The following ARFGAP3 variants were observed in gnomAD, a reference collection of about 807,000 sequenced individuals.
The protein encoded by ARFGAP3 is ADP-ribosylation factor GTPase-activating protein 3.
Under a neutral mutation model 75.0 loss-of-function variants are expected in ARFGAP3, and 72 were observed. That is an observed-to-expected ratio of 0.96 (90% CI 0.79 to 1.17). The LOEUF (loss-of-function observed/expected upper bound fraction) is 1.17, where lower values mean the gene tolerates loss of function less well. Among genes scored for constraint, ARFGAP3 ranks in the 50% most tolerant of loss-of-function variants. The pLI, the probability that ARFGAP3 is intolerant of heterozygous loss-of-function variation, is 0.00. For missense variants in ARFGAP3, 620 were observed against 626.6 expected, an observed-to-expected ratio of 0.99 and a Z score of 0.11; for synonymous variants, 221 against 217.9, an observed-to-expected ratio of 1.01 and a Z score of -0.13.
chr22:42,843,192 AC>A (rs1926863469), intron 2 of ARFGAP3, among the ~76,000 whole-genome samples: 1 of 150,590 alleles, frequency 6.6e-6, no homozygotes, highest in Non-Finnish European at 1.5e-5. Context: ...CACATGCCTC[AC>A]CCCTCCAGGG....
chr22:42,824,337 T>C (rs549578130), intron 7 of ARFGAP3, among the ~76,000 whole-genome samples: 1 of 151,916 alleles, frequency 6.6e-6, no homozygotes, highest in East Asian at 1.9e-4. Flanking sequence ...GTGCTACTCT[T>C]CAAAAACTTT....
chr22:42,835,602 AC>A, intron 3 of ARFGAP3, 109 bp from the exon 4 acceptor site: 1 of 1,280,868 alleles, frequency 7.8e-7, no homozygotes, highest in Non-Finnish European at 1.1e-6. Context: ...CAGGCAGATC[AC>A]GAGGTCGGGA....
At chr22:42,829,933 T>C (rs1314496750) in intron 6 of ARFGAP3, among the ~76,000 whole-genome samples, 1 of 152,230 alleles carries the variant, frequency 6.6e-6, no homozygotes, top group East Asian at 1.9e-4. Flanking sequence ...CAGACACTTG[T>C]CCAAATTCCA....
chr22:42,846,274 C>A (rs556515785), intron 2 of ARFGAP3, among the ~76,000 whole-genome samples: 1 of 152,340 alleles, frequency 6.6e-6, no homozygotes, highest in South Asian at 2.1e-4. Context: ...TAAGCCATGG[C>A]TGTTTGAGGG....
chr22:42,826,078 T>C (rs905914836), intron 7 of ARFGAP3, among the ~76,000 whole-genome samples: 2 of 152,182 alleles, frequency 1.3e-5, no homozygotes, highest in African/African-American at 2.4e-5. Flanking sequence ...CTCTGACGAG[T>C]CTAAAACATG....
intron 14 of ARFGAP3, among the ~76,000 whole-genome samples, chr22:42,803,417 C>T (rs1924967838): frequency 6.6e-6 from 1 of 152,214 alleles, no homozygotes; most frequent in Non-Finnish European, 1.5e-5. Flanking sequence ...CCACGATGCA[C>T]ACAAGGAAGG....
At chr22:42,841,135 T>C in intron 2 of ARFGAP3, 119 bp from the exon 3 acceptor site, 1 of 1,466,426 alleles carries the variant, frequency 6.8e-7, no homozygotes, top group South Asian at 1.4e-5. Flanking sequence ...TAAGTTTGTG[T>C]CAACAAGGAC....
intron 14 of ARFGAP3, among the ~76,000 whole-genome samples, chr22:42,801,891 C>G (rs3788597): frequency 0.49 from 74,311 of 151,482 alleles, 18,542 homozygotes; most frequent in Admixed American, 0.59. Flanking sequence ...ATACGGGTTG[C>G]GGGGCTGTCT....
chr22:42,835,536 G>A (rs41302581), intron 3 of ARFGAP3, 43 bp from the exon 4 acceptor site: 711 of 1,604,848 alleles, frequency 4.4e-4, no homozygotes, highest in Non-Finnish European at 5.7e-4. Flanking sequence ...GTAAAACTAC[G>A]TATGGCCAGG....
rs184036873 is a variant in ARFGAP3 at position 42,851,555 on chromosome 22, T to G, written c.70-3923A>C. Among the ~76,000 whole-genome samples the G allele has an allele frequency of 6.6e-5, 10 of 152,298 alleles. No individual in the cohort carries two copies. The East Asian group carries it at 1.9e-3, about 29-fold the overall frequency. On this transcript the variant is annotated intron_variant, in intron 1 of 15. Transcript: ENST00000263245. ...CGAATGCACATGGTGGAGCAGTTTA[T>G]AGGGGTAGAGGAGCTAACAAGTGGA...
chr22:42,856,701 T>G (rs903329273), intron 1 of ARFGAP3, among the ~76,000 whole-genome samples: 16 of 151,990 alleles, frequency 1.1e-4, no homozygotes, highest in Non-Finnish European at 2.2e-4. Flanking sequence ...AGCTCCAGGG[T>G]GGCGCTGGGG....
chr22:42,803,123 T>C (rs1381856649), intron 14 of ARFGAP3, among the ~76,000 whole-genome samples: 2 of 152,098 alleles, frequency 1.3e-5, no homozygotes, highest in Non-Finnish European at 2.9e-5. Context: ...AGCCTCCGAG[T>C]AATTGGAACT....
rs1398152213 is a variant in ARFGAP3, at chr22:42,799,253, C to T, written c.1412-93G>A. Reference sequence around the variant, plus strand: ...GAGTGCTCAACGGCTCCAGAGAACCCGGATCTCTCCCCTCCTGCTGCCTCA... The same window carrying T: ...GAGTGCTCAACGGCTCCAGAGAACCTGGATCTCTCCCCTCCTGCTGCCTCA... On this transcript the variant is annotated intron_variant, in intron 14 of 15. Transcript: ENST00000263245. 1.3e-5 allele frequency: 21 copies of T among 1,555,882 alleles called. No individual in the cohort carries two copies. The South Asian group carries it at 1.6e-4, about 12-fold the overall frequency.
At chr22:42,843,313 A>G (rs1313327421) in intron 2 of ARFGAP3, among the ~76,000 whole-genome samples, 1 of 152,152 alleles carries the variant, frequency 6.6e-6, no homozygotes, top group African/African-American at 2.4e-5. Flanking sequence ...TGCATACAAA[A>G]AGTCGCTACA....
chr22:42,833,221 A>G (rs1926373482), intron 5 of ARFGAP3, among the ~76,000 whole-genome samples: 1 of 152,192 alleles, frequency 6.6e-6, no homozygotes, highest in African/African-American at 2.4e-5. Flanking sequence ...GCATTAACTC[A>G]TCCAATAGCT....
intron 1 of ARFGAP3, among the ~76,000 whole-genome samples, chr22:42,854,936 T>C (rs1345309140): frequency 6.9e-6 from 1 of 145,382 alleles, no homozygotes; most frequent in Non-Finnish European, 1.5e-5. Context: ...TCATTGCTTT[T>C]ATTAATCTTA....
chr22:42,808,312 C>T lies in ARFGAP3; in HGVS notation c.1320+455G>A, dbSNP rs182071391. Among the ~76,000 whole-genome samples the T allele has an allele frequency of 6.6e-5, 10 of 151,374 alleles. No homozygotes were observed. The East Asian group carries it at 9.9e-4, about 15-fold the overall frequency. On this transcript the variant is annotated intron_variant, in intron 13 of 15. Coordinates refer to ENST00000263245, the MANE Select transcript of ARFGAP3 (RefSeq NM_014570.5). ...ACTTGGGAGGCTGAGGCAGGAAAAT[C>T]GCTTAAACTTGGGAGGCGGAGGTTG...
intron 14 of ARFGAP3, among the ~76,000 whole-genome samples, chr22:42,801,084 C>T (rs550623300): frequency 3.9e-5 from 6 of 152,268 alleles, no homozygotes; most frequent in Admixed American, 1.3e-4. Context: ...CTCAGGTAGA[C>T]AGCTGGGAGG....
rs1228972894 is a variant in ARFGAP3, at chr22:42,855,596, T to C, written c.69+1518A>G. Among the ~76,000 whole-genome samples, 4 of 151,646 alleles carry C rather than the reference T, an allele frequency of 2.6e-5. No homozygotes were observed. In the East Asian group the frequency reaches 5.8e-4, roughly 22 times the overall value. ...GGCGACTCAGGAGGCTGAGGCAGAA[T>C]TGCTCAAACCCAGGAGGCAGAGGTT... is the stretch of plus-strand genomic sequence containing the variant. On this transcript the variant is annotated intron_variant, in intron 1 of 15. Coordinates refer to ENST00000263245, the MANE Select transcript of ARFGAP3 (RefSeq NM_014570.5).
Sources: allele counts gnomAD v4.1 joint callset (sites outside exome capture counted in the v4.1 genomes callset), GRCh38; gene constraint gnomAD v4.1.1; transcripts MANE v1.5; gene names NCBI Gene and HGNC (gene_info 2026-07-23, HGNC 2026-07-21).